The following AP3S2 variants were observed in gnomAD, a reference collection of about 807,000 sequenced individuals.
AP3S2 encodes adaptor related protein complex 3 subunit sigma 2.
In AP3S2, 22 loss-of-function variants were observed where a neutral mutation model predicts 23.4. The observed-to-expected ratio is 0.94, with a 90% CI of 0.67 to 1.34. The LOEUF is 1.34. AP3S2 is among the 40% of genes most tolerant of loss of function. AP3S2 has a pLI of 0.00. For missense variants in AP3S2, 241 were observed against 236.9 expected (o/e 1.02, Z -0.11); for synonymous variants, 86 against 87.1 (o/e 0.99, Z 0.07).
rs76525684 is a variant in AP3S2, at chr15:89,862,512, T to C, written c.345+8963A>G. On this transcript the variant is annotated intron_variant, in intron 4 of 5. Transcript: ENST00000336418. ...TCAGGAAAAAAAGTATATATGTATA[T>C]AGACATAAAAGCAAGTATGCCAAAT... Among the ~76,000 whole-genome samples the C allele has an allele frequency of 4.9e-3, 745 of 152,304 alleles. 10 individuals are homozygous for C. The highest frequency in any genetic ancestry group is 0.017 in the African/African-American group (697 of 41,552).
At position 89,835,353 on chromosome 15, in the gene AP3S2, T is replaced by G. The variant is rs910648524; in HGVS notation, c.*162A>C. On this transcript the variant is annotated 3_prime_UTR_variant, in exon 6 of 6. Coordinates refer to ENST00000336418, the MANE Select transcript of AP3S2 (RefSeq NM_005829.5). ...TGCACCCGAGCAGTGTCAATAGGAA[T>G]CCCTTCCCTATTCCATGCCAAACAG... is the stretch of plus-strand genomic sequence containing the variant. 7.2e-6 allele frequency: 9 copies of G among 1,245,774 alleles called. No homozygotes were observed. The highest frequency in any genetic ancestry group is 8.9e-6 in the Non-Finnish European group (8 of 903,566). 77.2% of individuals were successfully genotyped at this position (1,245,774 alleles called of 1,614,324 possible).
Position 89,835,561 on chromosome 15 carries a change from A to G in AP3S2, c.536T>C (p.Ile179Thr), listed in dbSNP as rs770272725. The change falls in exon 6 of 6, where the codon ATT (isoleucine) becomes ACT (threonine). Residue 179 changes from isoleucine to threonine, a missense_variant. Transcript: ENST00000336418. ...GGGAACTTTGATGTTGAGATCGCCA[A>G]TGTTGATGTTCCGAGGAATCTCTGG... Reference protein sequence around the residue: ...NLPEIPRNINIGDLNIKVPNL... With the variant: ...NLPEIPRNINTGDLNIKVPNL... 6.8e-6 allele frequency: 11 copies of G among 1,614,058 alleles called. No homozygotes were observed. Among genetic ancestry groups the G allele is most frequent in the South Asian group, 5.5e-5 (5 of 91,076 alleles).
intron 4 of AP3S2, among the ~76,000 whole-genome samples, chr15:89,855,444 T>C (rs1221284061): frequency 1.8e-5 from 2 of 111,322 alleles, no homozygotes; most frequent in African/African-American, 6.9e-5. Flanking sequence ...TTCACTTGTT[T>C]ATCTGCTGAC....
At chr15:89,889,494 C>G (rs1363878719) in intron 1 of AP3S2, 1 of 229,200 alleles carries the variant, frequency 4.4e-6, no homozygotes, top group East Asian at 1.0e-4. Context: ...TTGTCTTCCC[C>G]TGGAAAACAT....
chr15:89,866,129 GCA>G (rs2141872731), intron 4 of AP3S2, among the ~76,000 whole-genome samples: 1 of 151,986 alleles, frequency 6.6e-6, no homozygotes, highest in East Asian at 1.9e-4. Flanking sequence ...GGGCATGGTG[GCA>G]GGCACCTGTA....
chr15:89,893,776 C>G (rs1263317272), intron 1 of AP3S2, 105 bp downstream of exon 1: 1 of 1,125,184 alleles, frequency 8.9e-7, no homozygotes, highest in Non-Finnish European at 1.3e-6. Context: ...GGTGCAGGAG[C>G]CCCAGGTGAC....
At chr15:89,848,860 A>G (rs557780259) in intron 4 of AP3S2, 1 of 152,328 alleles carries the variant, frequency 6.6e-6, no homozygotes, top group African/African-American at 2.4e-5. Flanking sequence ...GTCAGACTCT[A>G]GTTCCCATAT....
In AP3S2 at chr15:89,893,951, T is replaced by G; in HGVS notation, c.-2A>C. The G allele has an allele frequency of 1.3e-6, 2 of 1,551,452 alleles. No individual in the cohort carries two copies. Among genetic ancestry groups the G allele is most frequent in the Non-Finnish European group, 1.7e-6 (2 of 1,146,968 alleles). On this transcript the variant is annotated 5_prime_UTR_variant, in exon 1 of 6. Transcript: ENST00000336418. ...GAAAACCAGAATCGCCTGAATCATC[T>G]TTGCCAGCCACGGTTCTCTCAGCAC...
chr15:89,849,275 A>G (rs1470618293), intron 4 of AP3S2, among the ~76,000 whole-genome samples: 3 of 152,224 alleles, frequency 2.0e-5, no homozygotes, highest in African/African-American at 4.8e-5. Flanking sequence ...ACACACTCCC[A>G]TGACTTCTAA....
In AP3S2 at chr15:89,888,447, T is replaced by A. The variant is rs1896746199; in HGVS notation, c.273+74A>T. On this transcript the variant is annotated intron_variant, in intron 3 of 5. Coordinates refer to ENST00000336418, the MANE Select transcript of AP3S2 (RefSeq NM_005829.5). ...ATCAATAAGGAGATGGACACAAGGT[T>A]CTACAGGCTGGTTACTCAAAAATCC... 3 of 1,441,682 alleles carry A rather than the reference T, an allele frequency of 2.1e-6. No homozygotes were observed. The East Asian group carries it at 6.8e-5, about 33-fold the overall frequency. The allele number at this position is 1,441,682 out of a possible 1,614,324, so 89.3% of individuals were successfully genotyped here. A position where few individuals can be genotyped will look rare whatever the true frequency, so the allele number is the denominator to read the frequency against.
intron 5 of AP3S2, among the ~76,000 whole-genome samples, chr15:89,836,323 C>T (rs1895190171): frequency 6.6e-6 from 1 of 152,144 alleles, no homozygotes; most frequent in Non-Finnish European, 1.5e-5. Flanking sequence ...TTGTCAGGGG[C>T]ACTTTTCTGG....
chr15:89,891,302 C>T (rs561411803), intron 1 of AP3S2, among the ~76,000 whole-genome samples: 1 of 152,210 alleles, frequency 6.6e-6, no homozygotes, highest in South Asian at 2.1e-4. Context: ...CAAAGATACA[C>T]GAATGGGCAA....
intron 4 of AP3S2, among the ~76,000 whole-genome samples, chr15:89,853,105 T>C (rs1895700048): frequency 6.6e-6 from 1 of 152,128 alleles, no homozygotes; most frequent in South Asian, 2.1e-4. Context: ...TTGAGGAAGG[T>C]GGTGGAGGGG....
chr15:89,860,395 G>A (rs76701434), intron 4 of AP3S2, among the ~76,000 whole-genome samples: 14 of 152,280 alleles, frequency 9.2e-5, no homozygotes, highest in Middle Eastern at 3.4e-3. Flanking sequence ...CACAAGCACC[G>A]TGACACTGTG....
At position 89,856,305 on chromosome 15, in the gene AP3S2, G is replaced by A. The variant is rs543419668; in HGVS notation, c.345+15170C>T. Reference sequence around the variant, plus strand: ...TGGCTGGGTGCAGTGGCTCACGCCTGTAATCCTAGCACTTTGGGAGGCTGA... The same window carrying A: ...TGGCTGGGTGCAGTGGCTCACGCCTATAATCCTAGCACTTTGGGAGGCTGA... On this transcript the variant is annotated intron_variant, in intron 4 of 5. Coordinates refer to ENST00000336418, the MANE Select transcript of AP3S2 (RefSeq NM_005829.5). Among the ~76,000 whole-genome samples the A allele has an allele frequency of 3.7e-4, 57 of 152,342 alleles. 1 individual carries two copies. The South Asian group carries it at 0.011, about 29-fold the overall frequency.
intron 4 of AP3S2, among the ~76,000 whole-genome samples, chr15:89,849,630 G>C (rs1298139144): frequency 6.6e-6 from 1 of 152,098 alleles, no homozygotes; most frequent in African/African-American, 2.4e-5. Context: ...GCCTCCCAAA[G>C]TGCTGGGATT....
chr15:89,888,743 C>A, intron 2 of AP3S2, 111 bp from the exon 3 acceptor site: 1 of 1,206,694 alleles, frequency 8.3e-7, no homozygotes, highest in Non-Finnish European at 1.1e-6. Context: ...AGGCCAAACG[C>A]TAGAAGCAGG....
At chr15:89,875,709 A>G (rs180907342) in intron 3 of AP3S2, among the ~76,000 whole-genome samples, 45 of 152,340 alleles carry the variant, frequency 3.0e-4, no homozygotes, top group African/African-American at 9.9e-4. Context: ...AGTACTTCGG[A>G]AGGCCAAGGT....
intron 3 of AP3S2, among the ~76,000 whole-genome samples, chr15:89,877,722 G>C (rs1896476347): frequency 6.6e-6 from 1 of 152,070 alleles, no homozygotes; most frequent in Non-Finnish European, 1.5e-5. Context: ...TTGAACCTGA[G>C]AGGTGGAGGT....
Sources: gnomAD v4.1 joint callset for allele counts (sites outside exome capture counted in the v4.1 genomes callset) on GRCh38, gnomAD v4.1.1 for gene constraint, MANE v1.5 for transcripts, NCBI Gene and HGNC (gene_info 2026-07-23, HGNC 2026-07-21) for gene names.